Variants in CELSR1 observed in about 807,000 individuals in gnomAD.
The protein encoded by CELSR1 is cadherin EGF LAG seven-pass G-type receptor 1.
A neutral mutation model predicts 249.1 loss-of-function variants in CELSR1; 110 were observed. That is an observed-to-expected ratio of 0.44 (90% CI 0.38 to 0.52). The LOEUF (loss-of-function observed/expected upper bound fraction) is 0.52, where lower values mean the gene tolerates loss of function less well. Ranked by LOEUF, CELSR1 falls within the 20% of genes least tolerant of loss-of-function variation. The pLI is 0.00. For missense variants in CELSR1, 4,109 were observed against 4,296.4 expected, an observed-to-expected ratio of 0.96 and a Z score of 1.22; for synonymous variants, 2,113 against 1,900.0, an observed-to-expected ratio of 1.11 and a Z score of -2.92.
intron 2 of CELSR1, chr22:46,462,645 CA>C (rs10541493): frequency 0.021 from 3,390 of 164,660 alleles, 12 homozygotes; most frequent in Middle Eastern, 0.037. Context: ...AGAGAGCTTT[CA>C]AAAAAAAAAA....
Position 46,399,641 on chromosome 22 carries a change from C to G in CELSR1, c.5412+76G>C. ...ACAAGGTCTCTGGTGGGTCCTGGCA[C>G]GTCAAGGGGTCATTCTGTTTTTCCC... On this transcript the variant is annotated intron_variant, in intron 10 of 34. Coordinates refer to ENST00000674500, the MANE Select transcript of CELSR1 (RefSeq NM_001378328.1). The surrounding 1 kb of genome is among the most constrained non-coding windows in gnomAD (Gnocchi z 5.0). 1 of 1,472,418 alleles carries G rather than the reference C, an allele frequency of 6.8e-7. No homozygotes were observed. The highest frequency in any genetic ancestry group is 9.4e-7 in the Non-Finnish European group (1 of 1,062,402). The allele number at this position is 1,472,418 out of a possible 1,614,324, so 91.2% of individuals were successfully genotyped here.
intron 2 of CELSR1, among the ~76,000 whole-genome samples, chr22:46,456,840 A>G (rs2079960414): frequency 7.1e-6 from 1 of 140,484 alleles, no homozygotes; most frequent in African/African-American, 2.7e-5. Context: ...ACCTACACAG[A>G]TTGTCCTTGG....
Position 46,391,888 on chromosome 22 carries a change from G to A in CELSR1, c.5965-72C>T, listed in dbSNP as rs933088329. On this transcript the variant is annotated intron_variant, in intron 14 of 34. Coordinates refer to ENST00000674500, the MANE Select transcript of CELSR1 (RefSeq NM_001378328.1). This position sits in a 1 kb window ranked among gnomAD's most constrained non-coding sequence, Gnocchi z 4.3. ...GGCCCTACCTTGCAGCGTGTTTCCC[G>A]AGCGACGTCCAGACTCCCACCCGGG... 29 of 1,491,884 alleles carry A rather than the reference G, an allele frequency of 1.9e-5. No individual in the cohort carries two copies. Among genetic ancestry groups the A allele is most frequent in the East Asian group, 9.5e-5 (4 of 42,046 alleles). 92.4% of individuals were successfully genotyped at this position (1,491,884 alleles called of 1,614,324 possible).
chr22:46,367,925 C>CGTCCACCT (rs921472438), intron 27 of CELSR1, 70 bp from the exon 28 acceptor site: 86 of 1,520,030 alleles, frequency 5.7e-5, no homozygotes, highest in East Asian at 9.6e-5. Context: ...CCTCTCTGCA[C>CGTCCACCT]GTCCACCTGT....
At chr22:46,439,041 A>G in intron 3 of CELSR1, 148 bp downstream of exon 3, 1 of 765,060 alleles carries the variant, frequency 1.3e-6, no homozygotes, top group South Asian at 1.8e-5. Context: ...TACAGGCGTG[A>G]GCCACCGCGC....
rs9615991 is a variant in CELSR1 at position 46,411,744 on chromosome 22, G to A, written c.4627C>T (p.Leu1543=). 6.2e-7 allele frequency: 1 copy of A among 1,614,156 alleles called. No homozygotes were observed. The highest frequency in any genetic ancestry group is 2.2e-5 in the East Asian group (1 of 44,884). ...QYYNKPNIGH[L]GLPHGPSGEK... ...CCGGACGGCCCATGGGGCAGGCCCAGGTGGCCAATATTGGGCTGTAAGAAG... is the reference window on the plus strand; with the variant it reads ...CCGGACGGCCCATGGGGCAGGCCCAAGTGGCCAATATTGGGCTGTAAGAAG... Residue 1543 remains leucine (L), a synonymous_variant, in exon 6 of 35, where the codon CTG becomes TTG. Coordinates refer to ENST00000674500, the MANE Select transcript of CELSR1 (RefSeq NM_001378328.1). This position sits in a 1 kb window ranked among gnomAD's most constrained non-coding sequence, Gnocchi z 4.2.
At chr22:46,495,769 C>T (rs1299790896) in intron 1 of CELSR1, among the ~76,000 whole-genome samples, 3 of 151,890 alleles carry the variant, frequency 2.0e-5, no homozygotes, top group Non-Finnish European at 2.9e-5. Flanking sequence ...GAGCCGAGAT[C>T]GTGCCTTTGC....
At chr22:46,481,388 T>C in intron 1 of CELSR1, 2 of 1,058,430 alleles carry the variant, frequency 1.9e-6, no homozygotes, top group Non-Finnish European at 2.9e-6. Context: ...AGCAGGTGCA[T>C]GTGGTCATCC....
chr22:46,439,453 C>G, intron 2 of CELSR1, 42 bp from the exon 3 acceptor site: 4 of 1,541,588 alleles, frequency 2.6e-6, no homozygotes, highest in Non-Finnish European at 3.5e-6. Context: ...GGTTACCGAC[C>G]AGCCAGGGAA....
chr22:46,448,179 T>C lies in CELSR1; in HGVS notation c.4184-8768A>G, dbSNP rs917823970. ...GGCGGGGGCTGGGTGCTGGGTGTGC[T>C]CCTGGTCTGTGAACAAGGAAGGGGG... is the stretch of plus-strand genomic sequence containing the variant. On this transcript the variant is annotated intron_variant, in intron 2 of 34. Coordinates refer to ENST00000674500, the MANE Select transcript of CELSR1 (RefSeq NM_001378328.1). This position sits in a 1 kb window ranked among gnomAD's most constrained non-coding sequence, Gnocchi z 5.7. 4.6e-5 allele frequency among the ~76,000 whole-genome samples: 7 copies of C among 152,136 alleles called. No homozygotes were observed. The highest frequency in any genetic ancestry group is 1.0e-4 in the Non-Finnish European group (7 of 68,014).
At chr22:46,529,789 T>C (rs1036955984) in intron 1 of CELSR1, among the ~76,000 whole-genome samples, 7 of 150,004 alleles carry the variant, frequency 4.7e-5, no homozygotes, top group Non-Finnish European at 8.9e-5. Context: ...GGAGATACAG[T>C]GAGACTCCAT....
In CELSR1 at chr22:46,390,376, C is replaced by T. The variant is rs373931439; in HGVS notation, c.6345+16G>A. 5 of 1,601,758 alleles carry T rather than the reference C, an allele frequency of 3.1e-6. No homozygotes were observed. The African/African-American group carries it at 5.4e-5, about 17-fold the overall frequency. On this transcript the variant is annotated intron_variant, in intron 17 of 34. Coordinates refer to ENST00000674500, the MANE Select transcript of CELSR1 (RefSeq NM_001378328.1). This position sits in a 1 kb window ranked among gnomAD's most constrained non-coding sequence, Gnocchi z 6.3. ...CACGTGCCCCTGCTGAACACACATC[C>T]CCGAGGCGCCCCTACCATGGCCCTG...
intron 1 of CELSR1, among the ~76,000 whole-genome samples, chr22:46,489,788 G>A (rs973553770): frequency 8.6e-5 from 13 of 151,850 alleles, no homozygotes; most frequent in East Asian, 3.9e-4. Context: ...CCAGCTACTC[G>A]GGAGGCTGAG....
At chr22:46,507,244 C>T (rs929532929) in intron 1 of CELSR1, among the ~76,000 whole-genome samples, 4 of 152,116 alleles carry the variant, frequency 2.6e-5, no homozygotes, top group Non-Finnish European at 5.9e-5. Context: ...GGGCAGCAAC[C>T]CCAAGCACCC....
intron 5 of CELSR1, among the ~76,000 whole-genome samples, chr22:46,414,570 A>T (rs6008808): frequency 0.029 from 2,506 of 87,412 alleles, 13 homozygotes; most frequent in African/African-American, 0.22. Flanking sequence ...AGTGTGGGTT[A>T]AACACGCAGG....
intron 24 of CELSR1, among the ~76,000 whole-genome samples, chr22:46,373,881 C>T (rs1045161847): frequency 1.3e-5 from 2 of 152,152 alleles, no homozygotes; most frequent in Admixed American, 6.5e-5. Context: ...GACACAGAAG[C>T]GTAGGAGGAG....
At position 46,488,409 on chromosome 22, in the gene CELSR1, C is replaced by A. The variant is rs1349130461; in HGVS notation, c.3545-24064G>T. The stretch of plus-strand genomic sequence containing the variant: ...CCTGCTCGCCTACAGCCGGCGAGTG[C>A]AGCACAGGAGGCCACCGTAGTGCCA... On this transcript the variant is annotated intron_variant, in intron 1 of 34. Coordinates refer to ENST00000674500, the MANE Select transcript of CELSR1 (RefSeq NM_001378328.1). This position sits in a 1 kb window ranked among gnomAD's most constrained non-coding sequence, Gnocchi z 4.7. Among the ~76,000 whole-genome samples the A allele has an allele frequency of 6.6e-6, 1 of 152,140 alleles. No individual in the cohort carries two copies. The highest frequency in any genetic ancestry group is 6.5e-5 in the Admixed American group (1 of 15,282).
chr22:46,401,992 A>G lies in CELSR1; in HGVS notation c.5227-2090T>C. ...AGTTCCAGCTGCTTGGGAGGCTGAG[A>G]CAGGAGAATTGCTTGAACTCGGGAG... On this transcript the variant is annotated intron_variant, in intron 9 of 34. Coordinates refer to ENST00000674500, the MANE Select transcript of CELSR1 (RefSeq NM_001378328.1). This position sits in a 1 kb window ranked among gnomAD's most constrained non-coding sequence, Gnocchi z 4.7. Among the ~76,000 whole-genome samples the G allele has an allele frequency of 6.6e-6, 1 of 152,070 alleles. No homozygotes were observed. The highest frequency in any genetic ancestry group is 2.4e-5 in the African/African-American group (1 of 41,506).
intron 13 of CELSR1, 114 bp from the exon 14 acceptor site, chr22:46,394,376 G>C (rs2079126720): frequency 8.1e-7 from 1 of 1,234,932 alleles, no homozygotes; most frequent in South Asian, 1.5e-5. Flanking sequence ...GCTGGGTCCA[G>C]CTCTGGGAGC....
Sources: allele counts gnomAD v4.1 joint callset (sites outside exome capture counted in the v4.1 genomes callset), GRCh38; gene constraint gnomAD v4.1.1; non-coding constraint Gnocchi (gnomAD v3.1); transcripts MANE v1.5; gene names NCBI Gene and HGNC (gene_info 2026-07-23, HGNC 2026-07-21).